CNBD1: variants seen among roughly 807,000 people sequenced by gnomAD.
The protein encoded by CNBD1 is cyclic nucleotide-binding domain-containing protein 1.
A neutral mutation model predicts 54.4 loss-of-function variants in CNBD1; 71 were observed. The observed-to-expected ratio is 1.30, with a 90% CI of 1.08 to 1.59. The LOEUF is 1.59. CNBD1 is among the 40% of genes most tolerant of loss of function. CNBD1 has a pLI of 0.00. For synonymous variants in CNBD1, 182 were observed against 170.7 expected (o/e 1.07, Z -0.51); for missense variants, 659 against 518.0 (o/e 1.27, Z -2.64).
chr8:87,025,498 T>G (rs1334489197), intron 4 of CNBD1, among the ~76,000 whole-genome samples: 1 of 152,140 alleles, frequency 6.6e-6, no homozygotes, highest in Non-Finnish European at 1.5e-5. Context: ...AGGTAACCTT[T>G]AAGAGCTGTA....
rs112446781 is a variant in CNBD1 at position 87,266,143 on chromosome 8, A to G, written c.772-18535A>G. On this transcript the variant is annotated intron_variant, in intron 6 of 10. Coordinates refer to ENST00000518476, the MANE Select transcript of CNBD1 (RefSeq NM_173538.3). ...CAGAAACATTCAATATCTTAAAGATAAGTGTCCCCTAATGATTTATACATT... is the reference window on the plus strand; with the variant it reads ...CAGAAACATTCAATATCTTAAAGATGAGTGTCCCCTAATGATTTATACATT... Among the ~76,000 whole-genome samples, 9 of 152,122 alleles carry G rather than the reference A, an allele frequency of 5.9e-5. 1 individual carries two copies. Among genetic ancestry groups the G allele is most frequent in the African/African-American group, 2.2e-4 (9 of 41,500 alleles).
At chr8:87,325,622 C>T (rs1040572657) in intron 8 of CNBD1, among the ~76,000 whole-genome samples, 5 of 135,892 alleles carry the variant, frequency 3.7e-5, no homozygotes, top group Non-Finnish European at 7.9e-5. Context: ...ACTAGGATTG[C>T]AACCCCTGCC....
chr8:87,002,026 C>T lies in CNBD1; in HGVS notation c.431+62272C>T, dbSNP rs117892379. ...GGAGGCTGAAGTCAGAGGTAGGAAC[C>T]TCCTAAATGTGCCATTGTACTTTTC... On this transcript the variant is annotated intron_variant, in intron 4 of 10. Transcript: ENST00000518476. 9.2e-3 allele frequency among the ~76,000 whole-genome samples: 1,394 copies of T among 152,220 alleles called. 16 individuals are homozygous for T. The highest frequency in any genetic ancestry group is 0.014 in the Non-Finnish European group (977 of 67,996).
intron 6 of CNBD1, among the ~76,000 whole-genome samples, chr8:87,271,285 CTTTG>C (rs1011025933): frequency 3.1e-4 from 47 of 151,488 alleles, no homozygotes; most frequent in African/African-American, 1.1e-3. Flanking sequence ...CTACTCTGAT[CTTTG>C]TTATTTCCTT....
In CNBD1 at chr8:86,887,602, G is replaced by C; in HGVS notation, c.149G>C (p.Gly50Ala). The change falls in exon 2 of 11, where the codon GGA becomes GCA. Residue 50 changes from glycine (G) to alanine (A), a missense_variant. Gly to Ala is a moderately conservative substitution (Grantham distance 60, BLOSUM62 0). Coordinates refer to ENST00000518476, the MANE Select transcript of CNBD1 (RefSeq NM_173538.3). ...GQLNALCHIR[G>A]QHSRSMSNIL... is the part of the protein sequence containing the mutation. ...TTGAATGCATTATGCCACATTAGAG[G>C]ACAACACAGGTAAGCTATTCATGCA... 6.3e-7 allele frequency: 1 copy of C among 1,579,184 alleles called. No homozygotes were observed. Among genetic ancestry groups the C allele is most frequent in the African/African-American group, 1.3e-5 (1 of 74,350 alleles).
chr8:87,410,948 AT>A (rs59071936), intron 2 of CNBD1, among the ~76,000 whole-genome samples: 8,876 of 152,028 alleles, frequency 0.058, 813 homozygotes, highest in African/African-American at 0.2. Context: ...GCAAGAAAGT[AT>A]TTTTTAATTG....
chr8:87,098,529 G>A (rs1199114730), intron 4 of CNBD1, among the ~76,000 whole-genome samples: 1 of 152,098 alleles, frequency 6.6e-6, no homozygotes, highest in African/African-American at 2.4e-5. Context: ...AGTAGTGAGA[G>A]AGAGTGTATT....
At chr8:87,321,063 T>G (rs1348438126) in intron 8 of CNBD1, among the ~76,000 whole-genome samples, 1 of 148,058 alleles carries the variant, frequency 6.8e-6, no homozygotes, top group Non-Finnish European at 1.5e-5. Flanking sequence ...ATAGATGAAT[T>G]ACCACATTTT....
intron 4 of CNBD1, among the ~76,000 whole-genome samples, chr8:86,989,398 G>A (rs552438719): frequency 2.0e-5 from 3 of 152,196 alleles, no homozygotes; most frequent in Admixed American, 2.0e-4. Context: ...ATACCTAGGT[G>A]TGGGACTGCT....
chr8:87,311,793 C>A (rs1809271713), intron 8 of CNBD1, among the ~76,000 whole-genome samples: 1 of 151,936 alleles, frequency 6.6e-6, no homozygotes, highest in Non-Finnish European at 1.5e-5. Context: ...ATGTCATTTG[C>A]AGCAATATGA....
chr8:86,910,796 G>A lies in CNBD1; in HGVS notation c.272+5602G>A, dbSNP rs550437847. 4.6e-5 allele frequency among the ~76,000 whole-genome samples: 7 copies of A among 152,302 alleles called. No individual in the cohort carries two copies. The South Asian group carries it at 1.0e-3, about 23-fold the overall frequency. On this transcript the variant is annotated intron_variant, in intron 3 of 10. Transcript: ENST00000518476. Reference sequence around the variant, plus strand: ...ACAACAGAGTGAGGTTAAGAGCAGAGGTTTAATAGACAAAAGAAAGGGAAA... The same window carrying A: ...ACAACAGAGTGAGGTTAAGAGCAGAAGTTTAATAGACAAAAGAAAGGGAAA...
chr8:87,030,922 C>G (rs1411143981), intron 4 of CNBD1, among the ~76,000 whole-genome samples: 1 of 96,670 alleles, frequency 1.0e-5, no homozygotes, highest in African/African-American at 4.2e-5. Flanking sequence ...CTCCCCCCCT[C>G]CTCCTGCCCC....
At chr8:87,087,495 ACT>A (rs1434459366) in intron 4 of CNBD1, among the ~76,000 whole-genome samples, 3 of 133,798 alleles carry the variant, frequency 2.2e-5, no homozygotes, top group Non-Finnish European at 4.6e-5. Flanking sequence ...TTGGAGTCTC[ACT>A]CTGTCGCCCA....
intron 5 of CNBD1, among the ~76,000 whole-genome samples, chr8:87,235,747 T>C (rs1361697012): frequency 6.6e-6 from 1 of 152,118 alleles, no homozygotes; most frequent in Non-Finnish European, 1.5e-5. Flanking sequence ...AGTGAGCACA[T>C]GCTGTTGGAA....
At chr8:87,033,535 A>G (rs1269210649) in intron 4 of CNBD1, among the ~76,000 whole-genome samples, 2 of 152,192 alleles carry the variant, frequency 1.3e-5, no homozygotes, top group East Asian at 3.8e-4. Context: ...CAGGGATCAG[A>G]GATTAGCAGC....
intron 5 of CNBD1, among the ~76,000 whole-genome samples, chr8:87,230,181 A>G (rs1423690599): frequency 6.6e-6 from 1 of 152,196 alleles, no homozygotes; most frequent in Non-Finnish European, 1.5e-5. Flanking sequence ...ATCTATCACT[A>G]GAACAGCATC....
rs1794750269 is a variant in CNBD1, at chr8:87,180,846, C to T, written c.432-25147C>T. On this transcript the variant is annotated intron_variant, in intron 4 of 10. Coordinates refer to ENST00000518476, the MANE Select transcript of CNBD1 (RefSeq NM_173538.3). The stretch of plus-strand genomic sequence containing the variant: ...GGATATAATTTTGCAGAATAGTGCA[C>T]TTCAACTAACAATATTGTTTGCAGC... Among the ~76,000 whole-genome samples, 3 of 152,060 alleles carry T rather than the reference C, an allele frequency of 2.0e-5. No individual in the cohort carries two copies. In the South Asian group the frequency reaches 6.2e-4, roughly 31 times the overall value.
At chr8:87,094,554 G>A (rs1045717123) in intron 4 of CNBD1, among the ~76,000 whole-genome samples, 1 of 150,818 alleles carries the variant, frequency 6.6e-6, no homozygotes, top group Non-Finnish European at 1.5e-5. Context: ...ATTTCATATT[G>A]ACAATGCTAA....
chr8:86,950,284 G>T (rs1234097559), intron 4 of CNBD1, among the ~76,000 whole-genome samples: 1 of 151,908 alleles, frequency 6.6e-6, no homozygotes, highest in Non-Finnish European at 1.5e-5. Flanking sequence ...TGGCCAGGCT[G>T]GTCTTGAACT....
Sources: gnomAD v4.1 joint callset for allele counts (sites outside exome capture counted in the v4.1 genomes callset) on GRCh38, gnomAD v4.1.1 for gene constraint, MANE v1.5 for transcripts, NCBI Gene and HGNC (gene_info 2026-07-23, HGNC 2026-07-21) for gene names.